The following NMT1 variants were observed in gnomAD, a reference collection of about 807,000 sequenced individuals.
NMT1 encodes N-myristoyltransferase 1, also known as glycylpeptide N-tetradecanoyltransferase 1.
A neutral mutation model predicts 63.4 loss-of-function variants in NMT1; 12 were observed. That is an observed-to-expected ratio of 0.19 (90% CI 0.12 to 0.31). NMT1 has a LOEUF of 0.31. NMT1 is among the 10% of genes least tolerant of loss of function. NMT1 has a pLI of 1.00. For synonymous variants in NMT1, 228 were observed against 234.3 expected (o/e 0.97, Z 0.25); for missense variants, 432 against 634.6 (o/e 0.68, Z 3.43).
chr17:45,096,054 G>C (rs2054123173), intron 4 of NMT1, 140 bp from the exon 5 acceptor site: 1 of 652,656 alleles, frequency 1.5e-6, no homozygotes, highest in African/African-American at 1.8e-5. Context: ...TACCATGCCA[G>C]GGGGCAGAAG....
At chr17:45,066,147 G>A (rs926336486) in intron 1 of NMT1, among the ~76,000 whole-genome samples, 3 of 152,024 alleles carry the variant, frequency 2.0e-5, no homozygotes, top group South Asian at 2.1e-4. Flanking sequence ...TCTGCCTCCC[G>A]GGTTCAAGAA....
At chr17:45,084,631 C>T (rs2054040053) in intron 2 of NMT1, among the ~76,000 whole-genome samples, 1 of 151,616 alleles carries the variant, frequency 6.6e-6, no homozygotes, top group African/African-American at 2.4e-5. Context: ...CCGCGCCCGG[C>T]CACTTTTTTT....
At chr17:45,091,988 T>C (rs886209678) in intron 3 of NMT1, among the ~76,000 whole-genome samples, 5 of 151,970 alleles carry the variant, frequency 3.3e-5, no homozygotes, top group African/African-American at 7.3e-5. Flanking sequence ...GCCACTGCAT[T>C]CCAGCCTGGG....
intron 4 of NMT1, among the ~76,000 whole-genome samples, chr17:45,095,601 AC>A (rs2054120138): frequency 6.6e-6 from 1 of 152,126 alleles, no homozygotes; most frequent in African/African-American, 2.4e-5. Context: ...TGCCCCCGCT[AC>A]AAAAGAAAAA....
At chr17:45,064,215 G>T (rs73313230) in intron 1 of NMT1, among the ~76,000 whole-genome samples, 1 of 152,098 alleles carries the variant, frequency 6.6e-6, no homozygotes, top group Admixed American at 6.6e-5. Context: ...TATTTTATTT[G>T]TAGTAGAAGT....
intron 3 of NMT1, among the ~76,000 whole-genome samples, chr17:45,092,347 G>A (rs34356918): frequency 0.043 from 6,555 of 152,020 alleles, 179 homozygotes; most frequent in Non-Finnish European, 0.064. Context: ...CGGTGGTGTC[G>A]TGTGCTGCAG....
At chr17:45,078,849 G>A (rs1196124301) in intron 1 of NMT1, among the ~76,000 whole-genome samples, 1 of 151,984 alleles carries the variant, frequency 6.6e-6, no homozygotes, top group Non-Finnish European at 1.5e-5. Context: ...TTGTGTTAGA[G>A]ACGGGGTTTC....
In NMT1 at chr17:45,108,002, C is replaced by T. The variant is rs1439947020; in HGVS notation, c.*2363C>T. On this transcript the variant is annotated 3_prime_UTR_variant, in exon 12 of 12. Transcript: ENST00000258960. Reference sequence around the variant, plus strand: ...AGTCCCTGCGTTCTTCATTCAACCCCTTCTGGGACTTCAGCTCAGAGAGCA... The same window carrying T: ...AGTCCCTGCGTTCTTCATTCAACCCTTTCTGGGACTTCAGCTCAGAGAGCA... 2.6e-5 allele frequency: 4 copies of T among 152,288 alleles called. No individual in the cohort carries two copies. Among genetic ancestry groups the T allele is most frequent in the Non-Finnish European group, 4.4e-5 (3 of 68,078 alleles). The allele number at this position is 152,288 out of a possible 1,614,324, so 9.4% of individuals were successfully genotyped here. A position where few individuals can be genotyped will look rare whatever the true frequency, so the allele number is the denominator to read the frequency against.
intron 8 of NMT1, among the ~76,000 whole-genome samples, chr17:45,101,699 T>C (rs910567523): frequency 6.6e-6 from 1 of 151,182 alleles, no homozygotes. Flanking sequence ...TGGTCATCAG[T>C]GCACACAGTC....
chr17:45,106,141 TATC>T lies in NMT1; in HGVS notation c.*505_*507del, dbSNP rs1567873801. On this transcript the variant is annotated 3_prime_UTR_variant, in exon 12 of 12. Coordinates refer to ENST00000258960, the MANE Select transcript of NMT1 (RefSeq NM_021079.5). Reference sequence around the variant, plus strand: ...GTTTCCTCCAGAGGAGACATTGGCTTATCATGGGGAAAAAGAGGATCTGGAGAA... The same window carrying T: ...GTTTCCTCCAGAGGAGACATTGGCTTATGGGGAAAAAGAGGATCTGGAGAA... 6.6e-6 allele frequency: 1 copy of T among 152,414 alleles called. No homozygotes were observed. Among genetic ancestry groups the T allele is most frequent in the African/African-American group, 2.4e-5 (1 of 41,382 alleles). The allele number at this position is 152,414 out of a possible 1,614,324, so 9.4% of individuals were successfully genotyped here. A position where few individuals can be genotyped will look rare whatever the true frequency, so the allele number is the denominator to read the frequency against.
intron 4 of NMT1, 59 bp from the exon 5 acceptor site, chr17:45,096,135 T>C: frequency 1.6e-6 from 2 of 1,257,678 alleles, no homozygotes; most frequent in Non-Finnish European, 2.3e-6. Flanking sequence ...CCCCAGGGTA[T>C]TGGAGTTGGT....
intron 4 of NMT1, among the ~76,000 whole-genome samples, chr17:45,095,749 G>T (rs1031073154): frequency 6.6e-6 from 1 of 152,142 alleles, no homozygotes; most frequent in African/African-American, 2.4e-5. Context: ...TCCAGCCTGG[G>T]TAACAGAGTG....
chr17:45,073,253 T>C (rs983137117), intron 1 of NMT1, among the ~76,000 whole-genome samples: 1 of 151,938 alleles, frequency 6.6e-6, no homozygotes, highest in Non-Finnish European at 1.5e-5. Flanking sequence ...ACCCTGTCTC[T>C]ACTAAAAATA....
chr17:45,087,908 C>G (rs553719306), intron 3 of NMT1, among the ~76,000 whole-genome samples: 59 of 152,316 alleles, frequency 3.9e-4, no homozygotes, highest in African/African-American at 1.3e-3. Context: ...GCCTGCAGAC[C>G]TGCAGGATGG....
In NMT1 at chr17:45,081,615, C is replaced by T. The variant is rs753958254; in HGVS notation, c.132-29C>T. On this transcript the variant is annotated intron_variant, in intron 1 of 11. Transcript: ENST00000258960. ...AGCACAAAACAGATTTTTTTTAAAC[C>T]CTGCATTAGTATTTACTTTTTGTTA... 4 of 1,574,960 alleles carry T rather than the reference C, an allele frequency of 2.5e-6. No individual in the cohort carries two copies. The South Asian group carries it at 3.4e-5, about 14-fold the overall frequency.
rs988222284 is a variant in NMT1, at chr17:45,107,475, G to C, written c.*1836G>C. On this transcript the variant is annotated 3_prime_UTR_variant, in exon 12 of 12. Coordinates refer to ENST00000258960, the MANE Select transcript of NMT1 (RefSeq NM_021079.5). ...AGAAACTGAGACCAAAGAAGCTGCT[G>C]TTCTTAGCAAGATGCGCACTGCATT... is the stretch of plus-strand genomic sequence containing the variant. The C allele has an allele frequency of 6.5e-6, 1 of 152,698 alleles. No homozygotes were observed. The highest frequency in any genetic ancestry group is 2.1e-4 in the South Asian group (1 of 4,832). 9.5% of individuals were successfully genotyped at this position (152,698 alleles called of 1,614,324 possible).
chr17:45,072,405 G>A (rs966590989), intron 1 of NMT1, among the ~76,000 whole-genome samples: 2 of 151,056 alleles, frequency 1.3e-5, no homozygotes, highest in Non-Finnish European at 3.0e-5. Flanking sequence ...GATTACAGGC[G>A]TGTACCACCA....
At chr17:45,082,944 G>A (rs577097737) in intron 2 of NMT1, among the ~76,000 whole-genome samples, 9 of 152,168 alleles carry the variant, frequency 5.9e-5, no homozygotes, top group Non-Finnish European at 1.2e-4. Flanking sequence ...TTGAACCCAG[G>A]AGGCAGAGGT....
At chr17:45,078,561 C>A (rs2053991932) in intron 1 of NMT1, among the ~76,000 whole-genome samples, 1 of 151,460 alleles carries the variant, frequency 6.6e-6, no homozygotes, top group Admixed American at 6.6e-5. Flanking sequence ...ATTTTGAGAC[C>A]CTGAAGTCTT....
Sources: allele counts gnomAD v4.1 joint callset (sites outside exome capture counted in the v4.1 genomes callset), GRCh38; gene constraint gnomAD v4.1.1; transcripts MANE v1.5; gene names NCBI Gene and HGNC (gene_info 2026-07-23, HGNC 2026-07-21).